Variants in BMAL2 observed in about 807,000 individuals in gnomAD.
BMAL2 encodes the protein basic helix-loop-helix ARNT like 2.
the BMAL2 span, among the ~76,000 whole-genome samples, chr12:27,333,725 C>A: frequency 6.6e-6 from 1 of 152,254 alleles, no homozygotes; most frequent in Non-Finnish European, 1.5e-5. Flanking sequence ...AAGCGACAGG[C>A]GGCTCGTGTC....
chr12:27,336,698 C>T, the BMAL2 span, among the ~76,000 whole-genome samples: 6 of 152,032 alleles, frequency 3.9e-5, no homozygotes, highest in African/African-American at 1.4e-4. Flanking sequence ...CGCCTGTAAT[C>T]CCAGCACTTT....
At chr12:27,410,474 T>C in the BMAL2 span, among the ~76,000 whole-genome samples, 1 of 152,112 alleles carries the variant, frequency 6.6e-6, no homozygotes, top group African/African-American at 2.4e-5. Context: ...AAACCATCAT[T>C]CTCAGCAAAC....
chr12:27,365,950 C>T, the BMAL2 span, among the ~76,000 whole-genome samples: 3 of 151,364 alleles, frequency 2.0e-5, no homozygotes, highest in Non-Finnish European at 3.0e-5. Context: ...TTCAATTTTT[C>T]TTTTTTTAAA....
At chr12:27,353,876 CAAGA>C in the BMAL2 span, among the ~76,000 whole-genome samples, 1 of 152,064 alleles carries the variant, frequency 6.6e-6, no homozygotes, top group East Asian at 1.9e-4. Context: ...AATCCCATCT[CAAGA>C]AAGACAGAAT....
the BMAL2 span, chr12:27,418,020 T>C: frequency 7.1e-6 from 7 of 985,120 alleles, no homozygotes; most frequent in South Asian, 4.1e-5. Flanking sequence ...AAAGTAAAAA[T>C]AAATAAATAA....
At chr12:27,371,097 G>T in the BMAL2 span, among the ~76,000 whole-genome samples, 4 of 152,152 alleles carry the variant, frequency 2.6e-5, no homozygotes, top group African/African-American at 7.2e-5. Flanking sequence ...GAGACCCTGG[G>T]TACTATGTCA....
chr12:27,339,129 A>G, the BMAL2 span, among the ~76,000 whole-genome samples: 1 of 152,110 alleles, frequency 6.6e-6, no homozygotes, highest in Non-Finnish European at 1.5e-5. Context: ...ACCTTCCAAT[A>G]GGCCTCAGTG....
At chr12:27,396,706 G>A in the BMAL2 span, among the ~76,000 whole-genome samples, 1 of 152,200 alleles carries the variant, frequency 6.6e-6, no homozygotes, top group Non-Finnish European at 1.5e-5. Flanking sequence ...TTTCAAAAAG[G>A]AGTTTTGAAT....
chr12:27,423,584 C>T, the BMAL2 span: 1 of 152,330 alleles, frequency 6.6e-6, no homozygotes, highest in African/African-American at 2.4e-5. Context: ...CCACTTCGGC[C>T]TCCCAAAGTG....
At chr12:27,391,330 A>G in the BMAL2 span, among the ~76,000 whole-genome samples, 3 of 152,218 alleles carry the variant, frequency 2.0e-5, no homozygotes, top group Non-Finnish European at 4.4e-5. Flanking sequence ...ACTTAGGATT[A>G]TAGCCTCCAG....
the BMAL2 span, among the ~76,000 whole-genome samples, chr12:27,343,791 G>A: frequency 3.9e-5 from 6 of 152,114 alleles, no homozygotes; most frequent in African/African-American, 1.4e-4. Flanking sequence ...ATGAAATGCT[G>A]GCCTTTTCTG....
At chr12:27,418,969 A>AGC in the BMAL2 span, among the ~76,000 whole-genome samples, 1 of 97,060 alleles carries the variant, frequency 1.0e-5, no homozygotes, top group Admixed American at 1.2e-4. Flanking sequence ...GCAGAACAAG[A>AGC]CTCCATCTAA....
At chr12:27,381,874 T>G in the BMAL2 span, among the ~76,000 whole-genome samples, 1 of 152,224 alleles carries the variant, frequency 6.6e-6, no homozygotes, top group African/African-American at 2.4e-5. Flanking sequence ...TAGTGAAATT[T>G]GGCTCAAAAA....
At chr12:27,333,159 G>T in the BMAL2 span, 3 of 1,199,628 alleles carry the variant, frequency 2.5e-6, no homozygotes, top group Non-Finnish European at 3.1e-6. Context: ...CGTCTGACGC[G>T]CTGGGGGCGT....
the BMAL2 span, among the ~76,000 whole-genome samples, chr12:27,384,805 C>T: frequency 2.0e-5 from 3 of 152,132 alleles, no homozygotes; most frequent in Non-Finnish European, 4.4e-5. Context: ...TTGTATTGTG[C>T]TCACCTGTTT....
the BMAL2 span, among the ~76,000 whole-genome samples, chr12:27,348,973 G>T: frequency 6.6e-6 from 1 of 152,212 alleles, no homozygotes; most frequent in African/African-American, 2.4e-5. Flanking sequence ...TGACGTTGGG[G>T]AACAGTGGGT....
At chr12:27,423,814 A>G in the BMAL2 span, 6 of 152,194 alleles carry the variant, frequency 3.9e-5, no homozygotes, top group Non-Finnish European at 8.8e-5. Flanking sequence ...GTTTACTTCC[A>G]GCTCTGATTC....
the BMAL2 span, among the ~76,000 whole-genome samples, chr12:27,408,509 T>C: frequency 6.6e-6 from 1 of 152,284 alleles, no homozygotes; most frequent in Non-Finnish European, 1.5e-5. Context: ...ATTAACTCAA[T>C]AGATGCAGAA....
the BMAL2 span, chr12:27,418,016 AAAAT>A: frequency 6.2e-6 from 6 of 972,176 alleles, no homozygotes; most frequent in Admixed American, 5.0e-5. Context: ...ATAAAAAGTA[AAAAT>A]AAATAAATAA....
Sources: allele counts gnomAD v4.1 joint callset (sites outside exome capture counted in the v4.1 genomes callset), GRCh38; gene constraint gnomAD v4.1.1; transcripts MANE v1.5; gene names NCBI Gene and HGNC (gene_info 2026-07-23, HGNC 2026-07-21).